The following ADCYAP1R1 variants were observed in gnomAD, a reference collection of about 807,000 sequenced individuals.
ADCYAP1R1 encodes ADCYAP receptor type I.
In ADCYAP1R1, 44 loss-of-function variants were observed where a neutral mutation model predicts 67.6. The observed-to-expected ratio is 0.65, with a 90% CI of 0.51 to 0.84. The LOEUF is 0.84. Ranked by LOEUF, ADCYAP1R1 falls within the 40% of genes least tolerant of loss-of-function variation. The pLI is 0.00. For missense variants in ADCYAP1R1, 477 were observed against 587.9 expected (o/e 0.81, Z 1.95); for synonymous variants, 222 against 219.6 (o/e 1.01, Z -0.10).
Position 31,086,809 on chromosome 7 carries a change from G to A in ADCYAP1R1, c.824-134G>A. The A allele has an allele frequency of 9.6e-7, 1 of 1,039,864 alleles. No individual in the cohort carries two copies. Among genetic ancestry groups the A allele is most frequent in the East Asian group, 2.4e-5 (1 of 42,220 alleles). The allele number at this position is 1,039,864 out of a possible 1,614,324, so 64.4% of individuals were successfully genotyped here. A position where few individuals can be genotyped will look rare whatever the true frequency, so the allele number is the denominator to read the frequency against. ...ATAGACCCTCAGGAGGCCTGGGTGT[G>A]AGGGACAGTTAGAATTCCCAGGAAT... On this transcript the variant is annotated intron_variant, in intron 10 of 15. Coordinates refer to ENST00000304166, the MANE Select transcript of ADCYAP1R1 (RefSeq NM_001118.5). This position sits in a 1 kb window ranked among gnomAD's most constrained non-coding sequence, Gnocchi z 5.0.
At chr7:31,052,868 C>G (rs990257731) in intron 1 of ADCYAP1R1, among the ~76,000 whole-genome samples, 190 bp downstream of exon 1, 1 of 152,182 alleles carries the variant, frequency 6.6e-6, no homozygotes, top group African/African-American at 2.4e-5. Context: ...ATGAAGCCCC[C>G]TCCCGCCGCT....
chr7:31,087,527 G>C, intron 11 of ADCYAP1R1, 100 bp from the exon 12 acceptor site: 1 of 1,024,314 alleles, frequency 9.8e-7, no homozygotes, highest in South Asian at 1.3e-5. Context: ...AGCTGCGGTG[G>C]TGAAAGTGTC....
Position 31,052,574 on chromosome 7 carries a change from G to A in ADCYAP1R1, c.-176G>A, listed in dbSNP as rs1038989217. On this transcript the variant is annotated 5_prime_UTR_variant, in exon 1 of 16. Coordinates refer to ENST00000304166, the MANE Select transcript of ADCYAP1R1 (RefSeq NM_001118.5). ...GACCCGGCTCGGCGCGCGCTCCTCG[G>A]CGCACACGCTCCCCATCCCCGCGCC... 2.0e-5 allele frequency: 3 copies of A among 150,114 alleles called. No homozygotes were observed. The highest frequency in any genetic ancestry group is 3.0e-5 in the Non-Finnish European group (2 of 67,324). The allele number at this position is 150,114 out of a possible 1,614,324, so 9.3% of individuals were successfully genotyped here.
At chr7:31,099,264 A>T (rs1156870542) in intron 13 of ADCYAP1R1, among the ~76,000 whole-genome samples, 1 of 152,182 alleles carries the variant, frequency 6.6e-6, no homozygotes, top group Non-Finnish European at 1.5e-5. Flanking sequence ...GCCCCTGCCC[A>T]TTGAACTTGT....
At position 31,106,781 on chromosome 7, in the gene ADCYAP1R1, C is replaced by T; in HGVS notation, c.*97C>T. ...TTTGCGCCTCTTCCCTCCCCTTGGG[C>T]AGGCCCTGGGCTGGAAGCTTGGCTC... On this transcript the variant is annotated 3_prime_UTR_variant, in exon 16 of 16. Transcript: ENST00000304166. 7.2e-7 allele frequency: 1 copy of T among 1,392,202 alleles called. No homozygotes were observed. The highest frequency in any genetic ancestry group is 9.5e-7 in the Non-Finnish European group (1 of 1,048,206). The allele number at this position is 1,392,202 out of a possible 1,614,324, so 86.2% of individuals were successfully genotyped here.
intron 13 of ADCYAP1R1, among the ~76,000 whole-genome samples, chr7:31,095,982 G>A (rs950125930): frequency 6.6e-6 from 1 of 152,158 alleles, no homozygotes; most frequent in African/African-American, 2.4e-5. Context: ...TGTGCTCAGG[G>A]TCGACTTGGT....
At chr7:31,106,287 G>T (rs542581444) in intron 15 of ADCYAP1R1, among the ~76,000 whole-genome samples, 6 of 152,212 alleles carry the variant, frequency 3.9e-5, no homozygotes, top group African/African-American at 1.4e-4. Flanking sequence ...AAGGGAAGGG[G>T]CTGTTCCGGT....
Position 31,106,810 on chromosome 7 carries a change from AG to A in ADCYAP1R1, c.*132del, listed in dbSNP as rs1000561273. 11 of 1,149,632 alleles carry A rather than the reference AG, an allele frequency of 9.6e-6. No homozygotes were observed. The African/African-American group carries it at 1.4e-4, about 15-fold the overall frequency. 71.2% of individuals were successfully genotyped at this position (1,149,632 alleles called of 1,614,324 possible). ...CCCTGGGCTGGAAGCTTGGCTCCTG[AG>A]GGGGGAGAAGGAGGCAGGGCACAGA... On this transcript the variant is annotated 3_prime_UTR_variant, in exon 16 of 16. Transcript: ENST00000304166.
At chr7:31,065,779 A>G (rs368714964) in intron 3 of ADCYAP1R1, among the ~76,000 whole-genome samples, 5 of 152,182 alleles carry the variant, frequency 3.3e-5, no homozygotes, top group African/African-American at 4.8e-5. Context: ...TCGTTGAAGG[A>G]CTGGCTCCGT....
At chr7:31,094,286 C>T (rs188368080) in intron 13 of ADCYAP1R1, among the ~76,000 whole-genome samples, 51 of 152,222 alleles carry the variant, frequency 3.4e-4, no homozygotes, top group Non-Finnish European at 6.3e-4. Context: ...CCCTTTGCTA[C>T]TACATAACCT....
rs1208872591 is a variant in ADCYAP1R1 at position 31,109,871 on chromosome 7, C to T, written c.*3187C>T. On this transcript the variant is annotated 3_prime_UTR_variant, in exon 16 of 16. Coordinates refer to ENST00000304166, the MANE Select transcript of ADCYAP1R1 (RefSeq NM_001118.5). ...TCCTAGCACTGCAGACTTCATGACT[C>T]CCCACTTAAGTCCAAGTCACATTGT... The T allele has an allele frequency of 2.0e-5, 3 of 152,202 alleles. No homozygotes were observed. The highest frequency in any genetic ancestry group is 6.5e-5 in the Admixed American group (1 of 15,274). The allele number at this position is 152,202 out of a possible 1,614,324, so 9.4% of individuals were successfully genotyped here. A position where few individuals can be genotyped will look rare whatever the true frequency, so the allele number is the denominator to read the frequency against.
chr7:31,094,497 G>A (rs776411148), intron 13 of ADCYAP1R1, among the ~76,000 whole-genome samples: 22 of 152,030 alleles, frequency 1.4e-4, no homozygotes, highest in African/African-American at 3.6e-4. Flanking sequence ...CTCATCTCTC[G>A]TTTGAGCTCT....
At chr7:31,080,693 G>T (rs1328924573) in intron 5 of ADCYAP1R1, 60 bp downstream of exon 5, 1 of 1,574,828 alleles carries the variant, frequency 6.3e-7, no homozygotes, top group Admixed American at 1.7e-5. Flanking sequence ...CAGGAGCCCA[G>T]CCTCAGGAGA....
At chr7:31,088,923 C>T (rs1247749197) in intron 12 of ADCYAP1R1, among the ~76,000 whole-genome samples, 4 of 152,092 alleles carry the variant, frequency 2.6e-5, no homozygotes, top group African/African-American at 7.2e-5. Context: ...AATTGCATTG[C>T]GTTTACAGAC....
At chr7:31,095,336 T>A (rs116979366) in intron 13 of ADCYAP1R1, among the ~76,000 whole-genome samples, 2,016 of 152,242 alleles carry the variant, frequency 0.013, 27 homozygotes, top group Non-Finnish European at 0.023. Flanking sequence ...GTCATCCCTG[T>A]CCTCAAGGAA....
intron 3 of ADCYAP1R1, among the ~76,000 whole-genome samples, chr7:31,066,389 C>G (rs187567350): frequency 6.6e-6 from 1 of 152,112 alleles, no homozygotes; most frequent in Non-Finnish European, 1.5e-5. Context: ...TAATTGCTCA[C>G]CTGCTTGTTG....
chr7:31,073,633 C>G (rs1562635970), intron 3 of ADCYAP1R1, among the ~76,000 whole-genome samples: 2 of 152,164 alleles, frequency 1.3e-5, no homozygotes, highest in Non-Finnish European at 2.9e-5. Flanking sequence ...AGAGCAATTT[C>G]CATTCAAAAG....
intron 12 of ADCYAP1R1, among the ~76,000 whole-genome samples, chr7:31,088,062 GAAGAGT>G (rs1188851277): frequency 6.6e-6 from 1 of 152,176 alleles, no homozygotes; most frequent in Non-Finnish European, 1.5e-5. Flanking sequence ...TCCTCCTCAG[GAAGAGT>G]GATTCATTTC....
rs140890805 is a variant in ADCYAP1R1, at chr7:31,079,396, G to T, written c.266-1217G>T. 2.0e-5 allele frequency among the ~76,000 whole-genome samples: 3 copies of T among 152,190 alleles called. No individual in the cohort carries two copies. In the South Asian group the frequency reaches 6.2e-4, roughly 31 times the overall value. ...CATCAAGCCATGGGCGGGGGCTCCC[G>T]AGGGTATCAGAGGGATCTGAGTTGT... On this transcript the variant is annotated intron_variant, in intron 4 of 15. Coordinates refer to ENST00000304166, the MANE Select transcript of ADCYAP1R1 (RefSeq NM_001118.5).
Sources: allele counts gnomAD v4.1 joint callset (sites outside exome capture counted in the v4.1 genomes callset), GRCh38; gene constraint gnomAD v4.1.1; non-coding constraint Gnocchi (gnomAD v3.1); transcripts MANE v1.5; gene names NCBI Gene and HGNC (gene_info 2026-07-23, HGNC 2026-07-21).